The following ADGRV1 variants were observed in gnomAD, a reference collection of about 807,000 sequenced individuals.
ADGRV1 encodes adhesion G protein-coupled receptor V1.
In ADGRV1, 359 loss-of-function variants were observed where a neutral mutation model predicts 596.2. That is an observed-to-expected ratio of 0.60 (90% CI 0.55 to 0.66). The LOEUF (loss-of-function observed/expected upper bound fraction) is 0.66. Ranked by LOEUF, ADGRV1 falls within the 30% of genes least tolerant of loss-of-function variation. The pLI is 0.00. For missense variants in ADGRV1, 7,274 were observed against 7,575.6 expected (o/e 0.96, Z 1.48); for synonymous variants, 2,681 against 2,679.2 (o/e 1.00, Z -0.02).
At chr5:91,061,738 C>T (rs545101683) in intron 85 of ADGRV1, among the ~76,000 whole-genome samples, 1 of 152,302 alleles carries the variant, frequency 6.6e-6, no homozygotes, top group African/African-American at 2.4e-5. Flanking sequence ...GGTCCTTTGG[C>T]ATTTTTTGAG....
intron 1 of ADGRV1, among the ~76,000 whole-genome samples, chr5:90,612,025 A>G (rs1762786071): frequency 6.6e-6 from 1 of 152,110 alleles, no homozygotes; most frequent in South Asian, 2.1e-4. Context: ...AGATGCAATT[A>G]TCAATGATGT....
intron 83 of ADGRV1, among the ~76,000 whole-genome samples, chr5:90,957,867 G>A (rs1045655208): frequency 1.3e-5 from 2 of 151,604 alleles, no homozygotes; most frequent in South Asian, 2.1e-4. Flanking sequence ...ACCAACCAAT[G>A]TCTTTCATAA....
intron 29 of ADGRV1, among the ~76,000 whole-genome samples, chr5:90,688,767 T>G (rs1285555157): frequency 6.6e-6 from 1 of 152,220 alleles, no homozygotes; most frequent in African/African-American, 2.4e-5. Context: ...TGGTTTTCTC[T>G]GAGTGTACTC....
chr5:91,002,978 G>A (rs1368982766), intron 85 of ADGRV1, among the ~76,000 whole-genome samples: 1 of 152,116 alleles, frequency 6.6e-6, no homozygotes, highest in Non-Finnish European at 1.5e-5. Flanking sequence ...TATGGAAAAT[G>A]TCAGCCCCCC....
chr5:90,890,905 A>G (rs1263677435), intron 83 of ADGRV1, among the ~76,000 whole-genome samples: 2 of 152,096 alleles, frequency 1.3e-5, no homozygotes, highest in East Asian at 1.9e-4. Flanking sequence ...GATAAAGAGT[A>G]AAGTTGAAAA....
chr5:90,728,609 A>AG, intron 48 of ADGRV1, 60 bp from the exon 49 acceptor site: 1 of 1,397,806 alleles, frequency 7.2e-7, no homozygotes, highest in Non-Finnish European at 9.9e-7. Context: ...TATTGATTAC[A>AG]TTCTTGCAAG....
At chr5:90,905,809 A>T (rs1020581652) in intron 83 of ADGRV1, among the ~76,000 whole-genome samples, 1 of 152,040 alleles carries the variant, frequency 6.6e-6, no homozygotes, top group Non-Finnish European at 1.5e-5. Flanking sequence ...GTTGTGTTCC[A>T]GATCTCAGAG....
chr5:90,741,788 G>A (rs1233668606), intron 50 of ADGRV1, among the ~76,000 whole-genome samples: 1 of 152,132 alleles, frequency 6.6e-6, no homozygotes, highest in African/African-American at 2.4e-5. Flanking sequence ...TATTTAGAAT[G>A]GCTTATTATA....
At chr5:90,671,351 T>A (rs1772435582) in intron 21 of ADGRV1, among the ~76,000 whole-genome samples, 1 of 152,168 alleles carries the variant, frequency 6.6e-6, no homozygotes, top group Admixed American at 6.5e-5. Flanking sequence ...ATGTGCCTGC[T>A]AGGAGACAAC....
chr5:90,644,944 A>G (rs1767523171), intron 15 of ADGRV1, 75 bp downstream of exon 15: 3 of 1,026,942 alleles, frequency 2.9e-6, no homozygotes, highest in Admixed American at 6.5e-5. Context: ...ATAATTAAAC[A>G]TCTGGTAATA....
At chr5:90,687,008 G>A (rs1283476028) in intron 29 of ADGRV1, among the ~76,000 whole-genome samples, 1 of 152,140 alleles carries the variant, frequency 6.6e-6, no homozygotes, top group African/African-American at 2.4e-5. Flanking sequence ...CTGCATAAAT[G>A]TCTTCTTTTG....
At chr5:90,913,822 T>G (rs2150703384) in intron 83 of ADGRV1, among the ~76,000 whole-genome samples, 1 of 152,310 alleles carries the variant, frequency 6.6e-6, no homozygotes, top group African/African-American at 2.4e-5. Context: ...TCAAGATTCA[T>G]GTGTTTGCTT....
At position 90,619,072 on chromosome 5, in the gene ADGRV1, G is replaced by A. The variant is rs751886247; in HGVS notation, c.358-14G>A. The A allele has an allele frequency of 1.6e-6, 2 of 1,233,122 alleles. No individual in the cohort carries two copies. Among genetic ancestry groups the A allele is most frequent in the South Asian group, 3.9e-5 (2 of 50,714 alleles). The allele number at this position is 1,233,122 out of a possible 1,614,324, so 76.4% of individuals were successfully genotyped here. A position where few individuals can be genotyped will look rare whatever the true frequency, so the allele number is the denominator to read the frequency against. ...TTTTTAATTCATTATTTTATTTTTG[G>A]GATTTTATTTTAGAAACCTTCAGCA... On this transcript the variant is annotated splice_polypyrimidine_tract_variant and intron_variant, in intron 3 of 89. Coordinates refer to ENST00000405460, the MANE Select transcript of ADGRV1 (RefSeq NM_032119.4).
At position 90,689,878 on chromosome 5, in the gene ADGRV1, G is replaced by T. The variant is rs1449951851; in HGVS notation, c.6508G>T (p.Ala2170Ser). ...CTTTTCAGGTGAAGATTATAGTATAGCTTCATCAGATGTGGTCTTGCTAGA... is the reference window on the plus strand; with the variant it reads ...CTTTTCAGGTGAAGATTATAGTATATCTTCATCAGATGTGGTCTTGCTAGA... ...TAIAGEDYSI[A>S]SSDVVLLEGE... The change falls in exon 30 of 90, where the codon GCT (alanine) becomes TCT (serine). Residue 2170 changes from alanine (A) to serine (S), a missense_variant. Coordinates refer to ENST00000405460, the MANE Select transcript of ADGRV1 (RefSeq NM_032119.4). 5 of 1,611,812 alleles carry T rather than the reference G, an allele frequency of 3.1e-6. No individual in the cohort carries two copies. The Admixed American group carries it at 8.4e-5, about 27-fold the overall frequency.
intron 86 of ADGRV1, among the ~76,000 whole-genome samples, chr5:91,082,712 G>A (rs1358298540): frequency 2.0e-5 from 3 of 152,106 alleles, no homozygotes; most frequent in Admixed American, 6.6e-5. Flanking sequence ...GTATGGCAAC[G>A]AAAGCACTGT....
rs1466383869 is a variant in ADGRV1 at position 90,750,611 on chromosome 5, G to C, written c.11035G>C (p.Glu3679Gln). Reference protein sequence around the residue: ...EQDSLVTLNVERLKGTYGRIT... With the variant: ...EQDSLVTLNVQRLKGTYGRIT... ...AGATAGCCTAGTAACCTTGAACGTT[G>C]AACGCTTAAAAGGAACATATGGCCG... Residue 3679 changes from glutamate to glutamine, a missense_variant, in exon 53 of 90, where the codon GAA (glutamate) becomes CAA (glutamine). Physicochemically the swap from Glu to Gln is conservative, Grantham distance 29 (BLOSUM62 2). Around this residue, in one of 5 missense-constraint regions of ADGRV1, gnomAD observed 3,643 missense variants for 3,809.2 expected, o/e 0.96. Coordinates refer to ENST00000405460, the MANE Select transcript of ADGRV1 (RefSeq NM_032119.4). 2 of 1,612,486 alleles carry C rather than the reference G, an allele frequency of 1.2e-6. No homozygotes were observed. Among genetic ancestry groups the C allele is most frequent in the Admixed American group, 3.3e-5 (2 of 59,972 alleles).
At chr5:90,664,839 G>T (rs1156894907) in intron 21 of ADGRV1, among the ~76,000 whole-genome samples, 2 of 146,642 alleles carry the variant, frequency 1.4e-5, no homozygotes, top group Non-Finnish European at 3.0e-5. Flanking sequence ...GTTGAATGTT[G>T]TCAAAGGCCT....
intron 83 of ADGRV1, among the ~76,000 whole-genome samples, chr5:90,941,879 A>C (rs1365118762): frequency 6.6e-6 from 1 of 152,262 alleles, no homozygotes; most frequent in East Asian, 1.9e-4. Context: ...AATTGTAGTC[A>C]TGAAAAACCT....
chr5:91,053,951 A>G (rs1786579824), intron 85 of ADGRV1, among the ~76,000 whole-genome samples: 2 of 152,194 alleles, frequency 1.3e-5, no homozygotes, highest in Non-Finnish European at 2.9e-5. Context: ...GCAGTCATGT[A>G]GAAGTCAGTA....
Sources: allele counts gnomAD v4.1 joint callset (sites outside exome capture counted in the v4.1 genomes callset), GRCh38; gene constraint gnomAD v4.1.1; regional missense constraint gnomAD v4.1.1; transcripts MANE v1.5; gene names NCBI Gene and HGNC (gene_info 2026-07-23, HGNC 2026-07-21).